The following SLCO3A1 variants were observed in gnomAD, a reference collection of about 807,000 sequenced individuals.
SLCO3A1 encodes the protein solute carrier organic anion transporter family member 3A1.
SLCO3A1 carries 27 observed loss-of-function variants against 63.1 expected under a neutral mutation model. The ratio of observed to expected loss-of-function variants is 0.43; its 90% CI spans 0.32 to 0.59. SLCO3A1 has a LOEUF of 0.59. Among genes scored for constraint, SLCO3A1 ranks in the 20% least tolerant of loss-of-function variants. The pLI is 0.09. For synonymous variants in SLCO3A1, 473 were observed against 409.9 expected, an observed-to-expected ratio of 1.15 and a Z score of -1.86; for missense variants, 773 against 945.8, an observed-to-expected ratio of 0.82 and a Z score of 2.40.
In SLCO3A1 at chr15:91,862,300, C is replaced by T. The variant is rs773185758; in HGVS notation, c.180+8212C>T. On this transcript the variant is annotated intron_variant, in intron 1 of 9. Transcript: ENST00000318445. The surrounding 1 kb of genome is among the most constrained non-coding windows in gnomAD (Gnocchi z 4.0). The stretch of plus-strand genomic sequence containing the variant: ...TCCCCAGTAGCTGGGACTACAGGCG[C>T]GTACCACCACTCGGCTAATTTTTTG... Among the ~76,000 whole-genome samples, 1 of 152,020 alleles carries T rather than the reference C, an allele frequency of 6.6e-6. No homozygotes were observed. Among genetic ancestry groups the T allele is most frequent in the Non-Finnish European group, 1.5e-5 (1 of 68,010 alleles).
intron 1 of SLCO3A1, among the ~76,000 whole-genome samples, chr15:91,870,700 G>A (rs976529788): frequency 2.7e-5 from 4 of 146,446 alleles, no homozygotes; most frequent in African/African-American, 7.6e-5. Flanking sequence ...GTTTTGCTTC[G>A]ATTACTTGAA....
chr15:91,888,701 G>A (rs1417093785), intron 1 of SLCO3A1, among the ~76,000 whole-genome samples: 1 of 152,104 alleles, frequency 6.6e-6, no homozygotes. Context: ...AGCAGTAGCT[G>A]GCTGGGTACA....
chr15:91,922,698 CT>C (rs1350703830), intron 2 of SLCO3A1, among the ~76,000 whole-genome samples: 7 of 152,202 alleles, frequency 4.6e-5, no homozygotes, highest in African/African-American at 1.7e-4. Flanking sequence ...AAAAAGCCAT[CT>C]CTCGTGGGAG....
At chr15:92,145,627 A>G (rs934086237) in intron 7 of SLCO3A1, among the ~76,000 whole-genome samples, 12 of 152,260 alleles carry the variant, frequency 7.9e-5, no homozygotes, top group African/African-American at 2.9e-4. Context: ...GAAGGGAGGC[A>G]GTATCTGAGC....
At chr15:92,149,511 G>T (rs1447908844) in intron 8 of SLCO3A1, 2 of 152,314 alleles carry the variant, frequency 1.3e-5, no homozygotes, top group East Asian at 1.9e-4. Flanking sequence ...TGGAAGCGAG[G>T]TTGAAAGCTG....
At position 92,163,845 on chromosome 15, in the gene SLCO3A1, G is replaced by A. The variant is rs1262707257; in HGVS notation, c.*710G>A. On this transcript the variant is annotated 3_prime_UTR_variant, in exon 10 of 10. Transcript: ENST00000318445. Reference sequence around the variant, plus strand: ...CTCCATTTCCATGTTCAAGACTGAGGGCCTGAGGGGGAGCCAGGTGGGGGG... The same window carrying A: ...CTCCATTTCCATGTTCAAGACTGAGAGCCTGAGGGGGAGCCAGGTGGGGGG... 5.1e-6 allele frequency: 5 copies of A among 985,486 alleles called. No individual in the cohort carries two copies. The highest frequency in any genetic ancestry group is 4.8e-6 in the Non-Finnish European group (4 of 830,104). The allele number at this position is 985,486 out of a possible 1,614,324, so 61.0% of individuals were successfully genotyped here.
intron 2 of SLCO3A1, among the ~76,000 whole-genome samples, chr15:92,085,560 C>T (rs1347693106): frequency 6.6e-6 from 1 of 152,182 alleles, no homozygotes; most frequent in Non-Finnish European, 1.5e-5. Flanking sequence ...GTCCAACTGG[C>T]GTCACACAGC....
chr15:91,862,443 T>G lies in SLCO3A1; in HGVS notation c.180+8355T>G, dbSNP rs1470879923. Among the ~76,000 whole-genome samples the G allele has an allele frequency of 2.0e-5, 3 of 152,188 alleles. No homozygotes were observed. Among genetic ancestry groups the G allele is most frequent in the Non-Finnish European group, 2.9e-5 (2 of 68,036 alleles). On this transcript the variant is annotated intron_variant, in intron 1 of 9. Coordinates refer to ENST00000318445, the MANE Select transcript of SLCO3A1 (RefSeq NM_013272.4). The surrounding 1 kb of genome is among the most constrained non-coding windows in gnomAD (Gnocchi z 4.0). ...TTGGTTTTGGTTAAAATCTTTGCCCTCTGAAAATTCTGGGAACAGGCTGTG... is the reference window on the plus strand; with the variant it reads ...TTGGTTTTGGTTAAAATCTTTGCCCGCTGAAAATTCTGGGAACAGGCTGTG...
chr15:92,026,828 C>T (rs1165072301), intron 2 of SLCO3A1, among the ~76,000 whole-genome samples: 1 of 152,196 alleles, frequency 6.6e-6, no homozygotes, highest in Non-Finnish European at 1.5e-5. Context: ...GTGGCTCACA[C>T]CTGTAATCCC....
downstream of SLCO3A1, among the ~76,000 whole-genome samples, chr15:92,166,311 G>C (rs1024596700): frequency 3.2e-4 from 48 of 152,144 alleles, no homozygotes; most frequent in African/African-American, 1.1e-3. Flanking sequence ...AGCTTGCTAG[G>C]AACACTTAAC....
chr15:91,990,473 G>C (rs79777452), intron 2 of SLCO3A1, among the ~76,000 whole-genome samples: 2,105 of 152,018 alleles, frequency 0.014, 16 homozygotes, highest in Middle Eastern at 0.038. Context: ...TCCTGAACTG[G>C]TTTCATTTCA....
chr15:92,035,560 T>C (rs75993202), intron 2 of SLCO3A1, among the ~76,000 whole-genome samples: 1,757 of 151,818 alleles, frequency 0.012, 36 homozygotes, highest in African/African-American at 0.04. Context: ...GCTGACAACA[T>C]GAGGCTAGCT....
Position 91,948,450 on chromosome 15 carries a change from C to T in SLCO3A1, c.646+31992C>T, listed in dbSNP as rs1343719237. Among the ~76,000 whole-genome samples the T allele has an allele frequency of 6.6e-6, 1 of 152,186 alleles. No individual in the cohort carries two copies. The highest frequency in any genetic ancestry group is 6.5e-5 in the Admixed American group (1 of 15,286). On this transcript the variant is annotated intron_variant, in intron 2 of 9. Transcript: ENST00000318445. This position sits in a 1 kb window ranked among gnomAD's most constrained non-coding sequence, Gnocchi z 4.8. ...GGCTCTGTAGGAGTGCCGGCATGCA[C>T]ACAGCACCACCTGGGTGGAAAGCAG...
At chr15:92,010,812 A>G (rs866588819) in intron 2 of SLCO3A1, among the ~76,000 whole-genome samples, 2 of 152,206 alleles carry the variant, frequency 1.3e-5, no homozygotes, top group Middle Eastern at 3.4e-3. Flanking sequence ...GGGGGCCCTG[A>G]TTGTTTTCAC....
intron 9 of SLCO3A1, among the ~76,000 whole-genome samples, chr15:92,152,262 G>C (rs1373674891): frequency 6.6e-6 from 1 of 152,144 alleles, no homozygotes; most frequent in Non-Finnish European, 1.5e-5. Flanking sequence ...GTCCTCCCTG[G>C]GGAATGGCAA....
intron 2 of SLCO3A1, among the ~76,000 whole-genome samples, chr15:92,066,239 A>G (rs898375884): frequency 2.6e-5 from 4 of 152,248 alleles, no homozygotes; most frequent in African/African-American, 9.6e-5. Flanking sequence ...AGAGAGGCCA[A>G]GCACTCATAG....
chr15:91,878,215 A>G (rs772600842), intron 1 of SLCO3A1, among the ~76,000 whole-genome samples: 4 of 150,056 alleles, frequency 2.7e-5, no homozygotes, highest in Non-Finnish European at 5.9e-5. Flanking sequence ...CCTCCCGGAT[A>G]GCTGGGATTA....
chr15:92,005,337 T>C (rs1440970045), intron 2 of SLCO3A1, among the ~76,000 whole-genome samples: 1 of 152,202 alleles, frequency 6.6e-6, no homozygotes, highest in Non-Finnish European at 1.5e-5. Context: ...TGCACAGAGG[T>C]GCAGTGATGG....
At chr15:92,034,976 G>C (rs781550168) in intron 2 of SLCO3A1, among the ~76,000 whole-genome samples, 1 of 151,860 alleles carries the variant, frequency 6.6e-6, no homozygotes, top group Non-Finnish European at 1.5e-5. Context: ...ACCACATTTT[G>C]CATCTGAGGG....
Sources: allele counts gnomAD v4.1 joint callset (sites outside exome capture counted in the v4.1 genomes callset), GRCh38; gene constraint gnomAD v4.1.1; non-coding constraint Gnocchi (gnomAD v3.1); transcripts MANE v1.5; gene names NCBI Gene and HGNC (gene_info 2026-07-23, HGNC 2026-07-21).